PCDHGB4: variants seen among roughly 807,000 people sequenced by gnomAD.
The protein encoded by PCDHGB4 is protocadherin gamma-B4.
In PCDHGB4, 38 loss-of-function variants were observed where a neutral mutation model predicts 60.5. The observed-to-expected ratio is 0.63, with a 90% confidence interval of 0.48 to 0.82. The LOEUF is 0.82. PCDHGB4 is among the 40% of genes least tolerant of loss of function. PCDHGB4 has a pLI of 0.00. For synonymous variants in PCDHGB4, 456 were observed against 509.7 expected (o/e 0.89, Z 1.42); for missense variants, 1,109 against 1,209.6 (o/e 0.92, Z 1.23).
At chr5:141,472,807 G>T (rs573078292) in intron 1 of PCDHGB4, among the ~76,000 whole-genome samples, 43 of 151,782 alleles carry the variant, frequency 2.8e-4, no homozygotes, top group African/African-American at 1.0e-3. Flanking sequence ...CCAACATGGA[G>T]AAACCCCCGT....
intron 1 of PCDHGB4, among the ~76,000 whole-genome samples, chr5:141,465,368 A>C (rs940928815): frequency 1.3e-5 from 2 of 152,114 alleles, no homozygotes; most frequent in Admixed American, 6.6e-5. Flanking sequence ...TGCCCTTTAA[A>C]GTTGTAAGAT....
rs757333940 is a variant in PCDHGB4, at chr5:141,404,777, T to A, written c.2397+14496T>A. The A allele has an allele frequency of 7.4e-6, 12 of 1,613,404 alleles. 1 individual carries two copies. In the South Asian group the frequency reaches 1.3e-4, roughly 18 times the overall value. ...GAATGCTTGGCTCTCCTACCGCCTA[T>A]TCAAGGCCAGTGAGCCAGGGCTCTT... On this transcript the variant is annotated intron_variant, in intron 1 of 3. Transcript: ENST00000519479.
At chr5:141,469,770 A>G (rs1003620088) in intron 1 of PCDHGB4, among the ~76,000 whole-genome samples, 4 of 152,234 alleles carry the variant, frequency 2.6e-5, no homozygotes, top group Non-Finnish European at 5.9e-5. Flanking sequence ...ATACCAGCTT[A>G]TTTATTACAG....
At chr5:141,419,170 C>T (rs758796140) in intron 1 of PCDHGB4, 4 of 1,613,966 alleles carry the variant, frequency 2.5e-6, no homozygotes, top group Non-Finnish European at 3.4e-6. Context: ...CCAGCAAAAC[C>T]ATAACCCTGC....
At position 141,432,266 on chromosome 5, in the gene PCDHGB4, T is replaced by A. The variant is rs1444077446; in HGVS notation, c.2397+41985T>A. The A allele has an allele frequency of 9.3e-6, 15 of 1,614,096 alleles. No individual in the cohort carries two copies. Among genetic ancestry groups the A allele is most frequent in the Admixed American group, 3.3e-5 (2 of 60,010 alleles). The stretch of plus-strand genomic sequence containing the variant: ...CACCATCCAAGGGGCAAGCCTATCG[T>A]CCTACGTGTCCATCAACTCCGACAC... On this transcript the variant is annotated intron_variant, in intron 1 of 3. Transcript: ENST00000519479. The surrounding 1 kb of genome is among the most constrained non-coding windows in gnomAD (Gnocchi z 6.0).
chr5:141,422,874 G>C (rs763219526), intron 1 of PCDHGB4: 56 of 1,614,134 alleles, frequency 3.5e-5, no homozygotes, highest in Non-Finnish European at 1.0e-5. Flanking sequence ...ACGTGTCGCT[G>C]AGCCTGTTCG....
intron 1 of PCDHGB4, chr5:141,428,368 C>A (rs1403173774): frequency 1.3e-5 from 7 of 544,884 alleles, no homozygotes; most frequent in Non-Finnish European, 2.4e-5. Flanking sequence ...GGTCGCCTTG[C>A]ACCTGCGATG....
intron 1 of PCDHGB4, among the ~76,000 whole-genome samples, chr5:141,455,028 G>A (rs2098810519): frequency 6.6e-6 from 1 of 150,780 alleles, no homozygotes; most frequent in Non-Finnish European, 1.5e-5. Flanking sequence ...TAGCCAGGAT[G>A]GTCTCGATCT....
Position 141,431,559 on chromosome 5 carries a change from C to T in PCDHGB4, c.2397+41278C>T. 6.2e-7 allele frequency: 1 copy of T among 1,614,158 alleles called. No individual in the cohort carries two copies. On this transcript the variant is annotated intron_variant, in intron 1 of 3. Transcript: ENST00000519479. The surrounding 1 kb of genome is among the most constrained non-coding windows in gnomAD (Gnocchi z 4.8). ...ACGCAGCTGCTTGTAGTCAACGCTA[C>T]CGACCCTGACGAAGGAGTCAATGCG...
chr5:141,410,332 C>T (rs541138780), intron 1 of PCDHGB4: 2 of 1,614,002 alleles, frequency 1.2e-6, no homozygotes, highest in Non-Finnish European at 1.7e-6. Context: ...TGATTCTGGC[C>T]ATTGCCTTGC....
In PCDHGB4 at chr5:141,389,471, A is replaced by T. The variant is rs1425309295; in HGVS notation, c.1587A>T (p.Thr529=). ...AGCAGCTGCGCGCCTTCGAACTCAC[A>T]CTGCAGGCCCGCGACCAGGGCTCGC... ...DHEQLRAFEL[T]LQARDQGSPA... The change falls in exon 1 of 4, where the codon ACA becomes ACT. Residue 529 remains threonine, a synonymous_variant. Coordinates refer to ENST00000519479, the MANE Select transcript of PCDHGB4 (RefSeq NM_003736.4). 1 of 1,613,092 alleles carries T rather than the reference A, an allele frequency of 6.2e-7. No homozygotes were observed. Among genetic ancestry groups the T allele is most frequent in the Non-Finnish European group, 8.5e-7 (1 of 1,179,840 alleles).
Position 141,487,535 on chromosome 5 carries a change from G to A in PCDHGB4, c.2398-7272G>A. 6.2e-7 allele frequency: 1 copy of A among 1,614,154 alleles called. No individual in the cohort carries two copies. Among genetic ancestry groups the A allele is most frequent in the South Asian group, 1.1e-5 (1 of 91,084 alleles). ...CACTCGGAGTGATAGCTTCATGATG[G>A]TGAAGTCACCCAGTGCACCTATGGC... On this transcript the variant is annotated intron_variant, in intron 1 of 3. Transcript: ENST00000519479. This position sits in a 1 kb window ranked among gnomAD's most constrained non-coding sequence, Gnocchi z 5.0.
At position 141,402,836 on chromosome 5, in the gene PCDHGB4, A is replaced by G. The variant is rs115293033; in HGVS notation, c.2397+12555A>G. 4.8e-4 allele frequency: 668 copies of G among 1,379,778 alleles called. 2 individuals are homozygous for G. The African/African-American group carries it at 8.5e-3, about 18-fold the overall frequency. 85.5% of individuals were successfully genotyped at this position (1,379,778 alleles called of 1,614,324 possible). On this transcript the variant is annotated intron_variant, in intron 1 of 3. Coordinates refer to ENST00000519479, the MANE Select transcript of PCDHGB4 (RefSeq NM_003736.4). ...ACAAACCTGCTCCCAGGCTGCAGCA[A>G]AACTCAGCCTCTTTCTTCTAAGGAA...
At chr5:141,458,662 C>T (rs948275548) in intron 1 of PCDHGB4, among the ~76,000 whole-genome samples, 3 of 152,064 alleles carry the variant, frequency 2.0e-5, no homozygotes, top group East Asian at 1.9e-4. Flanking sequence ...CTCCACCTCT[C>T]GGGTTCAAGC....
In PCDHGB4 at chr5:141,476,254, T is replaced by C; in HGVS notation, c.2398-18553T>C. 1.2e-6 allele frequency: 2 copies of C among 1,613,820 alleles called. No individual in the cohort carries two copies. Among genetic ancestry groups the C allele is most frequent in the Non-Finnish European group, 8.5e-7 (1 of 1,179,976 alleles). On this transcript the variant is annotated intron_variant, in intron 1 of 3. Transcript: ENST00000519479. The surrounding 1 kb of genome is among the most constrained non-coding windows in gnomAD (Gnocchi z 7.6). ...CGGAGGAAAGAGAGAAGGGTTTCGCTGTGGGCAACGTGGTCGCGAACCTTG... is the reference window on the plus strand; with the variant it reads ...CGGAGGAAAGAGAGAAGGGTTTCGCCGTGGGCAACGTGGTCGCGAACCTTG...
chr5:141,420,187 CA>C (rs779974762), intron 1 of PCDHGB4: 25 of 1,613,706 alleles, frequency 1.5e-5, no homozygotes, highest in Non-Finnish European at 2.1e-5. Flanking sequence ...ATTGTCCAGC[CA>C]CACAAGATAA....
intron 1 of PCDHGB4, chr5:141,421,632 G>A (rs2096589368): frequency 6.2e-7 from 1 of 1,613,846 alleles, no homozygotes; most frequent in South Asian, 1.1e-5. Context: ...CCAGCTTCCA[G>A]GAGGACGAAG....
At chr5:141,418,201 A>G (rs2096236241) in intron 1 of PCDHGB4, 1 of 1,614,020 alleles carries the variant, frequency 6.2e-7, no homozygotes, top group Non-Finnish European at 8.5e-7. Flanking sequence ...AAAATCCTTT[A>G]AATATTTTTC....
At chr5:141,462,474 C>T (rs2099040477) in intron 1 of PCDHGB4, among the ~76,000 whole-genome samples, 1 of 151,994 alleles carries the variant, frequency 6.6e-6, no homozygotes, top group South Asian at 2.1e-4. Flanking sequence ...TATTCTGCTT[C>T]TCGTGGTTGT....
Sources: allele counts gnomAD v4.1 joint callset (sites outside exome capture counted in the v4.1 genomes callset), GRCh38; gene constraint gnomAD v4.1.1; non-coding constraint Gnocchi (gnomAD v3.1); transcripts MANE v1.5; gene names NCBI Gene and HGNC (gene_info 2026-07-23, HGNC 2026-07-21).